ANKRD12: variants seen among roughly 807,000 people sequenced by gnomAD.
ANKRD12 encodes the protein ankyrin repeat domain 12.
A neutral mutation model predicts 183.4 loss-of-function variants in ANKRD12; 85 were observed. The ratio of observed to expected loss-of-function variants is 0.46; its 90% CI spans 0.39 to 0.56. The LOEUF is 0.56. Among genes scored for constraint, ANKRD12 ranks in the 20% least tolerant of loss-of-function variants. The probability of loss-of-function intolerance (pLI) is 0.00; values close to 1 mark genes in which losing one functional copy is unlikely to be tolerated. For synonymous variants in ANKRD12, 914 were observed against 800.2 expected, an observed-to-expected ratio of 1.14 and a Z score of -2.40; for missense variants, 2,405 against 2,357.1, an observed-to-expected ratio of 1.02 and a Z score of -0.42.
rs1018236052 is a variant in ANKRD12, at chr18:9,157,452, C to T, written c.-52+20487C>T. Reference sequence around the variant, plus strand: ...CTAGTGAGTACGTATGACTTTTGCACCATTTATAAAGTCCAAATATTGTAA... The same window carrying T: ...CTAGTGAGTACGTATGACTTTTGCATCATTTATAAAGTCCAAATATTGTAA... On this transcript the variant is annotated intron_variant, in intron 1 of 12. Coordinates refer to ENST00000262126, the MANE Select transcript of ANKRD12 (RefSeq NM_015208.5). Among the ~76,000 whole-genome samples, 5 of 151,804 alleles carry T rather than the reference C, an allele frequency of 3.3e-5. No homozygotes were observed. The Middle Eastern group carries it at 0.01, about 310-fold the overall frequency.
chr18:9,257,555 A>C lies in ANKRD12; in HGVS notation c.4288A>C (p.Ser1430Arg). The change falls in exon 9 of 13, where the codon AGC (serine) becomes CGC (arginine). Residue 1430 changes from serine (S) to arginine (R), a missense_variant. Around this residue, in one of 7 missense-constraint regions of ANKRD12, gnomAD observed 1,983 missense variants for 1,725.9 expected, o/e 1.15. Transcript: ENST00000262126. ...EMPVDRLETL[S>R]TRDFICPNSN... ...GCCTGTTGATAGACTAGAGACATTAAGCACCAGAGACTTTATCTGCCCAAA... is the reference window on the plus strand; with the variant it reads ...GCCTGTTGATAGACTAGAGACATTACGCACCAGAGACTTTATCTGCCCAAA... The C allele has an allele frequency of 6.2e-7, 1 of 1,614,136 alleles. No homozygotes were observed.
intron 11 of ANKRD12, among the ~76,000 whole-genome samples, chr18:9,279,343 A>G (rs2040001109): frequency 6.6e-6 from 1 of 152,198 alleles, no homozygotes; most frequent in African/African-American, 2.4e-5. Flanking sequence ...AATTAAACCT[A>G]CCATCCCAAG....
chr18:9,146,464 C>T (rs2078496905), intron 1 of ANKRD12, among the ~76,000 whole-genome samples: 1 of 152,106 alleles, frequency 6.6e-6, no homozygotes, highest in Non-Finnish European at 1.5e-5. Context: ...GAGAGGATTG[C>T]TTGAGGCCAG....
Position 9,256,313 on chromosome 18 carries a change from GAAAAAGATA to G in ANKRD12, c.3058_3066del (p.Lys1020_Lys1022del), listed in dbSNP as rs768216396. 18 of 1,594,054 alleles carry G rather than the reference GAAAAAGATA, an allele frequency of 1.1e-5. No individual in the cohort carries two copies. In the African/African-American group the frequency reaches 1.4e-4, roughly 12 times the overall value. Reference sequence around the variant, plus strand: ...ACCTTTGAAAACTCCAGATGGAAAAGAAAAAGATAAAAAAGATAAAGATATAGATAGATA... The same window carrying G: ...ACCTTTGAAAACTCCAGATGGAAAAGAAAAAGATAAAGATATAGATAGATA... On this transcript the variant is annotated inframe_deletion, in exon 9 of 13. Coordinates refer to ENST00000262126, the MANE Select transcript of ANKRD12 (RefSeq NM_015208.5).
rs112575872 is a variant in ANKRD12 at position 9,159,998 on chromosome 18, G to A, written c.-51-22384G>A. 4.0e-3 allele frequency among the ~76,000 whole-genome samples: 608 copies of A among 151,954 alleles called. 3 individuals are homozygous for A. Among genetic ancestry groups the A allele is most frequent in the African/African-American group, 0.014 (573 of 41,478 alleles). On this transcript the variant is annotated intron_variant, in intron 1 of 12. Coordinates refer to ENST00000262126, the MANE Select transcript of ANKRD12 (RefSeq NM_015208.5). Reference sequence around the variant, plus strand: ...TTTAAAATATTTGTTACTCTTGCCCGGTGGCTCATGCCTGTAATCCCCGCA... The same window carrying A: ...TTTAAAATATTTGTTACTCTTGCCCAGTGGCTCATGCCTGTAATCCCCGCA...
chr18:9,232,787 CT>C (rs1337235320), intron 8 of ANKRD12, among the ~76,000 whole-genome samples: 1 of 151,956 alleles, frequency 6.6e-6, no homozygotes, highest in Non-Finnish European at 1.5e-5. Context: ...ATCACAAAGA[CT>C]TTGTTCATTC....
intron 1 of ANKRD12, among the ~76,000 whole-genome samples, chr18:9,173,113 AGGCT>A (rs2032908296): frequency 1.4e-5 from 2 of 141,152 alleles, no homozygotes; most frequent in Non-Finnish European, 3.0e-5. Flanking sequence ...TCTATCACCC[AGGCT>A]GGAGTGCAGT....
chr18:9,225,472 TAA>T (rs200715342), intron 8 of ANKRD12, among the ~76,000 whole-genome samples: 2 of 68,470 alleles, frequency 2.9e-5, no homozygotes, highest in African/African-American at 4.2e-5. Flanking sequence ...AGACTATCTT[TAA>T]AAAAAAAAAA....
At chr18:9,272,829 G>GT (rs1334922407) in intron 10 of ANKRD12, among the ~76,000 whole-genome samples, 3 of 151,780 alleles carry the variant, frequency 2.0e-5, no homozygotes, top group Admixed American at 2.0e-4. Flanking sequence ...ATGTTTCTTT[G>GT]TTTTTTTCAT....
chr18:9,163,843 G>A (rs2031733242), intron 1 of ANKRD12, among the ~76,000 whole-genome samples: 1 of 152,100 alleles, frequency 6.6e-6, no homozygotes, highest in Admixed American at 6.6e-5. Flanking sequence ...TGTTGTTGCT[G>A]TATAGGAATG....
chr18:9,258,061 C>T lies in ANKRD12; in HGVS notation c.4794C>T (p.Thr1598=). Residue 1598 remains threonine (T), a synonymous_variant, in exon 9 of 13, where the codon ACC becomes ACT. Coordinates refer to ENST00000262126, the MANE Select transcript of ANKRD12 (RefSeq NM_015208.5). ...ACTTTAATGGAAGTGATGCCTCTAC[C>T]CAGCTAAATACACATTATGCATTTA... ...EKDFNGSDAS[T]QLNTHYAFSK... 6.2e-7 allele frequency: 1 copy of T among 1,613,370 alleles called. No homozygotes were observed. The highest frequency in any genetic ancestry group is 2.2e-5 in the East Asian group (1 of 44,870).
chr18:9,248,821 A>G (rs540454165), intron 8 of ANKRD12, among the ~76,000 whole-genome samples: 1 of 152,348 alleles, frequency 6.6e-6, no homozygotes, highest in South Asian at 2.1e-4. Flanking sequence ...TGTGCTCCGC[A>G]TGGCAGTTAG....
At chr18:9,215,044 G>C (rs1284476267) in intron 6 of ANKRD12, among the ~76,000 whole-genome samples, 1 of 152,092 alleles carries the variant, frequency 6.6e-6, no homozygotes, top group Non-Finnish European at 1.5e-5. Context: ...AAAATGTCAA[G>C]ATAACAGGAG....
intron 1 of ANKRD12, among the ~76,000 whole-genome samples, chr18:9,164,411 C>T (rs546822524): frequency 6.6e-6 from 1 of 152,206 alleles, no homozygotes; most frequent in Non-Finnish European, 1.5e-5. Context: ...CAGTTCAGCT[C>T]TGATCTTGGT....
At chr18:9,187,153 A>C (rs1598490675) in intron 2 of ANKRD12, among the ~76,000 whole-genome samples, 1 of 152,072 alleles carries the variant, frequency 6.6e-6, no homozygotes, top group South Asian at 2.1e-4. Context: ...GAGGCTGGGC[A>C]TGGTGGCTCA....
At chr18:9,166,092 T>C (rs896178409) in intron 1 of ANKRD12, among the ~76,000 whole-genome samples, 29 of 152,212 alleles carry the variant, frequency 1.9e-4, no homozygotes, top group African/African-American at 6.7e-4. Flanking sequence ...GGTGTATATG[T>C]GCCACATTTT....
Position 9,257,378 on chromosome 18 carries a change from A to C in ANKRD12, c.4111A>C (p.Thr1371Pro), listed in dbSNP as rs144201415. The C allele has an allele frequency of 3.1e-6, 5 of 1,614,130 alleles. No homozygotes were observed. Among genetic ancestry groups the C allele is most frequent in the Non-Finnish European group, 4.2e-6 (5 of 1,180,008 alleles). ...ATCTAACATACATTCCAGTTTTGCA[A>C]CTTCTCCAACTGGAGCTTCAAACAG... Reference protein sequence around the residue: ...NVSNIHSSFATSPTGASNSKY... With the variant: ...NVSNIHSSFAPSPTGASNSKY... The change falls in exon 9 of 13, where the codon ACT (threonine) becomes CCT (proline). Residue 1371 changes from threonine to proline, a missense_variant. Thr to Pro is a conservative substitution (Grantham distance 38, BLOSUM62 -1). Around this residue, in one of 7 missense-constraint regions of ANKRD12, gnomAD observed 1,983 missense variants for 1,725.9 expected, o/e 1.15. Transcript: ENST00000262126.
At chr18:9,137,590 G>C (rs1401973084) in intron 1 of ANKRD12, 1 of 151,542 alleles carries the variant, frequency 6.6e-6, no homozygotes, top group Non-Finnish European at 1.5e-5. Context: ...AGCGTCGGAG[G>C]TACCCGGGTC....
intron 1 of ANKRD12, among the ~76,000 whole-genome samples, chr18:9,173,112 C>CGGG (rs2032907818): frequency 6.6e-6 from 1 of 150,906 alleles, no homozygotes; most frequent in Admixed American, 6.6e-5. Context: ...CTCTATCACC[C>CGGG]AGGCTGGAGT....
Sources: gnomAD v4.1 joint callset for allele counts (sites outside exome capture counted in the v4.1 genomes callset) on GRCh38, gnomAD v4.1.1 for gene constraint, gnomAD v4.1.1 regional missense constraint, MANE v1.5 for transcripts, NCBI Gene and HGNC (gene_info 2026-07-23, HGNC 2026-07-21) for gene names.